Variants in TULP4 observed in about 807,000 individuals in gnomAD.
The protein encoded by TULP4 is tubby-related protein 4.
TULP4 carries 16 observed loss-of-function variants against 129.0 expected under a neutral mutation model. The observed-to-expected ratio is 0.12, with a 90% CI of 0.08 to 0.19. The LOEUF is 0.19. Among genes scored for constraint, TULP4 ranks in the 10% least tolerant of loss-of-function variants. TULP4 has a pLI of 1.00. For missense variants in TULP4, 1,842 were observed against 2,059.1 expected (o/e 0.89, Z 2.04); for synonymous variants, 998 against 854.0 (o/e 1.17, Z -2.94).
At chr6:158,363,834 G>A (rs1780857178) in intron 1 of TULP4, among the ~76,000 whole-genome samples, 1 of 151,908 alleles carries the variant, frequency 6.6e-6, no homozygotes, top group Non-Finnish European at 1.5e-5. Context: ...GTTGCCATTT[G>A]CAAAATCTTA....
chr6:158,257,721 G>A (rs2128455910), intron 1 of TULP4, among the ~76,000 whole-genome samples: 1 of 152,346 alleles, frequency 6.6e-6, no homozygotes, highest in East Asian at 1.9e-4. Flanking sequence ...AGCTGGGGAA[G>A]CTGTACCCTC....
intron 1 of TULP4, among the ~76,000 whole-genome samples, chr6:158,373,834 G>A (rs2114887559): frequency 6.6e-6 from 1 of 152,294 alleles, no homozygotes; most frequent in Middle Eastern, 3.4e-3. Context: ...TCTGGTGGTT[G>A]AAGACATGGA....
intron 13 of TULP4, among the ~76,000 whole-genome samples, chr6:158,505,065 T>G (rs1042429867): frequency 6.6e-6 from 1 of 152,240 alleles, no homozygotes; most frequent in African/African-American, 2.4e-5. Flanking sequence ...CTTCCTGTTA[T>G]CTGTCTGTTT....
intron 1 of TULP4, among the ~76,000 whole-genome samples, chr6:158,283,901 G>A (rs541001178): frequency 2.6e-5 from 4 of 152,094 alleles, no homozygotes; most frequent in African/African-American, 9.7e-5. Context: ...GACGGCTTAT[G>A]TAGTTTCTGC....
intron 3 of TULP4, 48 bp downstream of exon 3, chr6:158,429,945 G>T (rs1222023920): frequency 6.4e-7 from 1 of 1,558,712 alleles, no homozygotes; most frequent in East Asian, 2.4e-5. Flanking sequence ...AACCATGAGG[G>T]CTGGGAGGGA....
upstream of TULP4, among the ~76,000 whole-genome samples, chr6:158,278,524 A>G (rs183716181): frequency 2.6e-5 from 4 of 152,292 alleles, no homozygotes; most frequent in East Asian, 1.9e-4. Flanking sequence ...TTTTCAATAC[A>G]TATACTTAGA....
At chr6:158,462,946 T>G (rs1014071850) in intron 6 of TULP4, among the ~76,000 whole-genome samples, 7 of 151,148 alleles carry the variant, frequency 4.6e-5, no homozygotes, top group Admixed American at 2.0e-4. Flanking sequence ...TAGAGACGGG[T>G]TTTTGCCATG....
At chr6:158,324,504 C>T (rs1205816458) in intron 1 of TULP4, among the ~76,000 whole-genome samples, 1 of 152,150 alleles carries the variant, frequency 6.6e-6, no homozygotes, top group African/African-American at 2.4e-5. Context: ...TTTGAGAGCT[C>T]GCTCTAGGCT....
At position 158,389,529 on chromosome 6, in the gene TULP4, C is replaced by CT. The variant is rs546861277; in HGVS notation, c.253-23527dup. On this transcript the variant is annotated intron_variant, in intron 1 of 13. Transcript: ENST00000367097. ...CCTGAGACAAAAGTGAGACAGCATA[C>CT]TTTTTTTTTAATCATATACGTTTAA... Among the ~76,000 whole-genome samples, 499 of 151,472 alleles carry CT rather than the reference C, an allele frequency of 3.3e-3. 3 individuals are homozygous for CT. The highest frequency in any genetic ancestry group is 0.011 in the African/African-American group (465 of 41,256).
At chr6:158,408,874 C>T (rs899032022) in intron 1 of TULP4, among the ~76,000 whole-genome samples, 5 of 152,224 alleles carry the variant, frequency 3.3e-5, no homozygotes, top group Admixed American at 3.3e-4. Context: ...GTAGTTGTTG[C>T]TGGTTCACTT....
intron 1 of TULP4, among the ~76,000 whole-genome samples, chr6:158,294,858 A>G (rs1562508865): frequency 6.6e-6 from 1 of 152,158 alleles, no homozygotes; most frequent in Non-Finnish European, 1.5e-5. Context: ...CAGTCTCCTG[A>G]GTAGCCGGGA....
rs1366854315 is a variant in TULP4, at chr6:158,502,265, G to C, written c.2602G>C (p.Gly868Arg). The change falls in exon 13 of 14, where the codon GGC becomes CGC. Residue 868 changes from glycine (G) to arginine (R), a missense_variant. Transcript: ENST00000367097. ...QPPVDVCLKKGDFSLYPTSVH... is the reference protein window; with the variant it reads ...QPPVDVCLKKRDFSLYPTSVH... Reference sequence around the variant, plus strand: ...CCCAGTGGATGTGTGCTTGAAGAAGGGCGACTTCTCCCTCTACCCCACGTC... The same window carrying C: ...CCCAGTGGATGTGTGCTTGAAGAAGCGCGACTTCTCCCTCTACCCCACGTC... 6.2e-7 allele frequency: 1 copy of C among 1,607,746 alleles called. No individual in the cohort carries two copies. The highest frequency in any genetic ancestry group is 8.5e-7 in the Non-Finnish European group (1 of 1,176,842).
rs370578134 is a variant in TULP4, at chr6:158,509,676, C to T, written c.*2982C>T. On this transcript the variant is annotated 3_prime_UTR_variant, in exon 14 of 14. Transcript: ENST00000367097. ...CCGATGGAGGCACAGGCTTCTGTCTCGGATGTTTGGCGCACGTGAGTTTGT... is the reference window on the plus strand; with the variant it reads ...CCGATGGAGGCACAGGCTTCTGTCTTGGATGTTTGGCGCACGTGAGTTTGT... The T allele has an allele frequency of 6.6e-6, 1 of 152,202 alleles. No homozygotes were observed. The highest frequency in any genetic ancestry group is 1.5e-5 in the Non-Finnish European group (1 of 68,048). 9.4% of individuals were successfully genotyped at this position (152,202 alleles called of 1,614,324 possible).
chr6:158,444,251 T>A (rs1778979188), intron 3 of TULP4, among the ~76,000 whole-genome samples: 1 of 123,268 alleles, frequency 8.1e-6, no homozygotes, highest in Admixed American at 8.6e-5. Flanking sequence ...AAAAAATTTT[T>A]TTTTTTTTTT....
intron 1 of TULP4, among the ~76,000 whole-genome samples, chr6:158,341,421 A>G (rs1780178415): frequency 6.6e-6 from 1 of 152,182 alleles, no homozygotes; most frequent in African/African-American, 2.4e-5. Context: ...CTCTTTGACA[A>G]ACTGATTTCC....
Position 158,509,050 on chromosome 6 carries a change from G to A in TULP4, c.*2356G>A, listed in dbSNP as rs970270038. The A allele has an allele frequency of 4.0e-5, 6 of 151,850 alleles. No homozygotes were observed. Among genetic ancestry groups the A allele is most frequent in the Non-Finnish European group, 7.4e-5 (5 of 68,004 alleles). The allele number at this position is 151,850 out of a possible 1,614,324, so 9.4% of individuals were successfully genotyped here. On this transcript the variant is annotated 3_prime_UTR_variant, in exon 14 of 14. Coordinates refer to ENST00000367097, the MANE Select transcript of TULP4 (RefSeq NM_020245.5). ...TTATAGACACCCGCCAACACGCCAG[G>A]CTAATGTTTTTGTATTTTTAATAGA...
intron 1 of TULP4, chr6:158,237,793 A>G: frequency 1.3e-6 from 1 of 775,680 alleles, no homozygotes; most frequent in Non-Finnish European, 2.4e-6. Context: ...CTCAACATCT[A>G]CTTTTAGAGA....
At chr6:158,307,818 T>C (rs1220485342), upstream of TULP4, among the ~76,000 whole-genome samples, 3 of 152,068 alleles carry the variant, frequency 2.0e-5, no homozygotes, top group African/African-American at 7.2e-5. Flanking sequence ...AAAATATTGG[T>C]TTACCAAGTA....
intron 6 of TULP4, among the ~76,000 whole-genome samples, chr6:158,474,735 A>G (rs538523336): frequency 5.9e-4 from 90 of 152,184 alleles, no homozygotes; most frequent in Non-Finnish European, 1.2e-3. Flanking sequence ...TGTGGATTTC[A>G]GATTTCTTTT....
Sources: allele counts gnomAD v4.1 joint callset (sites outside exome capture counted in the v4.1 genomes callset), GRCh38; gene constraint gnomAD v4.1.1; transcripts MANE v1.5; gene names NCBI Gene and HGNC (gene_info 2026-07-23, HGNC 2026-07-21).